Variants in ARHGEF3 observed in about 807,000 individuals in gnomAD.
The protein encoded by ARHGEF3 is Rho guanine nucleotide exchange factor 3.
A neutral mutation model predicts 63.2 loss-of-function variants in ARHGEF3; 28 were observed. The ratio of observed to expected loss-of-function variants is 0.44; its 90% CI spans 0.33 to 0.61. The LOEUF (loss-of-function observed/expected upper bound fraction) is 0.61. Among genes scored for constraint, ARHGEF3 ranks in the 20% least tolerant of loss-of-function variants. The pLI is 0.03. For synonymous variants in ARHGEF3, 266 were observed against 254.2 expected (o/e 1.05, Z -0.44); for missense variants, 533 against 659.3 (o/e 0.81, Z 2.10).
chr3:57,041,369 G>C (rs1216555680), intron 1 of ARHGEF3, among the ~76,000 whole-genome samples: 2 of 152,074 alleles, frequency 1.3e-5, no homozygotes, highest in Non-Finnish European at 2.9e-5. Context: ...GAATTAACTT[G>C]TTCAAGATCC....
chr3:56,927,766 AAAAC>A (rs561256893), intron 3 of ARHGEF3, among the ~76,000 whole-genome samples: 111 of 152,298 alleles, frequency 7.3e-4, no homozygotes, highest in Non-Finnish European at 1.3e-3. Context: ...TGACCCATAA[AAAAC>A]AAACAAACAA....
intron 3 of ARHGEF3, among the ~76,000 whole-genome samples, chr3:56,893,262 C>T (rs771016893): frequency 6.6e-6 from 1 of 152,146 alleles, no homozygotes; most frequent in Admixed American, 6.5e-5. Flanking sequence ...ACTGCAGCCT[C>T]GAACTCCTGA....
At chr3:56,774,910 CA>C (rs1177282087) in intron 1 of ARHGEF3, 47 of 1,132,152 alleles carry the variant, frequency 4.2e-5, no homozygotes, top group Admixed American at 1.1e-4. Context: ...AACAAACAAA[CA>C]AACAACAACA....
chr3:56,758,103 C>T (rs1049910360), intron 2 of ARHGEF3, among the ~76,000 whole-genome samples: 30 of 151,074 alleles, frequency 2.0e-4, no homozygotes, highest in Non-Finnish European at 3.4e-4. Flanking sequence ...CATGGTGAAA[C>T]CCTGTCTTTA....
intron 2 of ARHGEF3, among the ~76,000 whole-genome samples, chr3:56,763,104 G>C (rs1170189594): frequency 6.6e-6 from 1 of 152,164 alleles, no homozygotes; most frequent in Non-Finnish European, 1.5e-5. Context: ...AACAGGCATG[G>C]CTTCAAGTTG....
chr3:56,782,649 T>TAAAAAAA (rs34176219), intron 1 of ARHGEF3, among the ~76,000 whole-genome samples: 1 of 141,388 alleles, frequency 7.1e-6, no homozygotes. Flanking sequence ...ATTTCCTTCT[T>TAAAAAAA]AAAAAAAAAA....
At chr3:57,056,928 G>A (rs1704965421) in intron 1 of ARHGEF3, among the ~76,000 whole-genome samples, 2 of 151,768 alleles carry the variant, frequency 1.3e-5, no homozygotes, top group Non-Finnish European at 2.9e-5. Context: ...TGACCATGCA[G>A]GTCTATACAC....
At chr3:56,943,443 GA>G (rs2108430451) in intron 3 of ARHGEF3, among the ~76,000 whole-genome samples, 1 of 152,174 alleles carries the variant, frequency 6.6e-6, no homozygotes, top group East Asian at 1.9e-4. Context: ...TTACCGCTCA[GA>G]AAAAAAGATT....
At chr3:57,055,163 C>CGTTT (rs1704864907) in intron 1 of ARHGEF3, among the ~76,000 whole-genome samples, 1 of 135,306 alleles carries the variant, frequency 7.4e-6, no homozygotes, top group African/African-American at 2.7e-5. Flanking sequence ...TCTCTTTATG[C>CGTTT]TTTTTTTTTT....
chr3:56,987,904 A>G (rs1417878932), intron 2 of ARHGEF3, among the ~76,000 whole-genome samples: 3 of 152,180 alleles, frequency 2.0e-5, no homozygotes, highest in East Asian at 1.9e-4. Flanking sequence ...CCAGAGATGC[A>G]CTGTGTCTTG....
At chr3:57,058,753 C>A (rs2107335173) in intron 1 of ARHGEF3, among the ~76,000 whole-genome samples, 1 of 152,048 alleles carries the variant, frequency 6.6e-6, no homozygotes, top group Non-Finnish European at 1.5e-5. Flanking sequence ...CAATGTCCAA[C>A]AATGATAGAC....
At position 57,074,656 on chromosome 3, in the gene ARHGEF3, C is replaced by T. The variant is rs1024401197; in HGVS notation, c.-28+4570G>A. On this transcript the variant is annotated intron_variant, in intron 1 of 12. Coordinates refer to the ARHGEF3 transcript ENST00000338458. Reference sequence around the variant, plus strand: ...CATCTCTTTATTGTTTCTATCAAAGCCTGCTAAGTAATTACTTTCCCTCTG... The same window carrying T: ...CATCTCTTTATTGTTTCTATCAAAGTCTGCTAAGTAATTACTTTCCCTCTG... 3 of 201,648 alleles carry T rather than the reference C, an allele frequency of 1.5e-5. No individual in the cohort carries two copies. The Admixed American group carries it at 1.6e-4, about 11-fold the overall frequency. The allele number at this position is 201,648 out of a possible 1,614,324, so 12.5% of individuals were successfully genotyped here.
chr3:56,927,312 T>G (rs1327393308), intron 3 of ARHGEF3, among the ~76,000 whole-genome samples: 6 of 152,114 alleles, frequency 3.9e-5, no homozygotes, highest in Non-Finnish European at 8.8e-5. Context: ...AACAAGTAAT[T>G]TTGCAGCAAC....
intron 1 of ARHGEF3, among the ~76,000 whole-genome samples, chr3:56,796,004 A>G (rs1329516970): frequency 1.3e-5 from 2 of 152,042 alleles, no homozygotes; most frequent in Non-Finnish European, 2.9e-5. Context: ...AGGCAATAGA[A>G]ACCACTGGCT....
At chr3:56,958,411 C>T (rs1321873089) in intron 3 of ARHGEF3, among the ~76,000 whole-genome samples, 2 of 151,794 alleles carry the variant, frequency 1.3e-5, no homozygotes, top group African/African-American at 4.8e-5. Context: ...TCACCACAAC[C>T]TCCGTCTCCT....
intron 2 of ARHGEF3, among the ~76,000 whole-genome samples, chr3:57,012,819 G>A (rs557343443): frequency 4.6e-5 from 7 of 152,330 alleles, no homozygotes; most frequent in African/African-American, 1.7e-4. Flanking sequence ...GCTGCACTGT[G>A]GGAACCCATC....
In ARHGEF3 at chr3:56,873,223, G is replaced by GTT. The variant is rs34822100; in HGVS notation, c.192+9067_192+9068dup. On this transcript the variant is annotated intron_variant, in intron 4 of 12. Coordinates refer to the ARHGEF3 transcript ENST00000338458. ...CAAGTTTTACTTTTGTGCTATGTTTGTTTTTTTTTTTTTAACTTTTAAGTT... is the reference window on the plus strand; with the variant it reads ...CAAGTTTTACTTTTGTGCTATGTTTGTTTTTTTTTTTTTTTAACTTTTAAGTT... 2.7e-3 allele frequency among the ~76,000 whole-genome samples: 392 copies of GTT among 147,118 alleles called. 1 individual carries two copies. Among genetic ancestry groups the GTT allele is most frequent in the South Asian group, 3.9e-3 (18 of 4,662 alleles).
intron 2 of ARHGEF3, among the ~76,000 whole-genome samples, chr3:56,971,194 G>A (rs546874121): frequency 2.9e-4 from 44 of 152,186 alleles, no homozygotes; most frequent in Non-Finnish European, 5.0e-4. Context: ...TTCCATACAC[G>A]ATGAAAGAAC....
chr3:57,022,454 C>T (rs1351820304), intron 2 of ARHGEF3, among the ~76,000 whole-genome samples: 2 of 151,342 alleles, frequency 1.3e-5, no homozygotes, highest in African/African-American at 4.9e-5. Flanking sequence ...AGTTATTAAT[C>T]AATAGCTTTC....
Sources: gnomAD v4.1 joint callset for allele counts (sites outside exome capture counted in the v4.1 genomes callset) on GRCh38, gnomAD v4.1.1 for gene constraint, MANE v1.5 for transcripts, NCBI Gene and HGNC (gene_info 2026-07-23, HGNC 2026-07-21) for gene names.